SEPTIN9: variants seen among roughly 807,000 people sequenced by gnomAD.
The protein encoded by SEPTIN9 is septin 9.
In SEPTIN9, 13 loss-of-function variants were observed where a neutral mutation model predicts 56.6. The observed-to-expected ratio is 0.23, with a 90% CI of 0.15 to 0.37. SEPTIN9 has a LOEUF of 0.37. Ranked by LOEUF, SEPTIN9 falls within the 10% of genes least tolerant of loss-of-function variation. The probability of loss-of-function intolerance (pLI) is 1.00; values close to 1 mark genes in which losing one functional copy is unlikely to be tolerated. For synonymous variants in SEPTIN9, 332 were observed against 334.1 expected, an observed-to-expected ratio of 0.99 and a Z score of 0.07; for missense variants, 650 against 823.1, an observed-to-expected ratio of 0.79 and a Z score of 2.57.
At chr17:77,442,646 G>T (rs561594886) in intron 3 of SEPTIN9, among the ~76,000 whole-genome samples, 1 of 151,960 alleles carries the variant, frequency 6.6e-6, no homozygotes, top group East Asian at 1.9e-4. Flanking sequence ...GCCGAGGCAG[G>T]TGGATCACCT....
intron 2 of SEPTIN9, among the ~76,000 whole-genome samples, chr17:77,384,487 C>T (rs2035260608): frequency 6.6e-6 from 1 of 151,712 alleles, no homozygotes; most frequent in African/African-American, 2.4e-5. Context: ...CGAATGGAGG[C>T]TTTCCTCTTG....
chr17:77,451,775 C>T lies in SEPTIN9; in HGVS notation c.722-30369C>T, dbSNP rs1254607737. Among the ~76,000 whole-genome samples the T allele has an allele frequency of 1.3e-5, 2 of 152,246 alleles. No homozygotes were observed. Among genetic ancestry groups the T allele is most frequent in the South Asian group, 2.1e-4 (1 of 4,834 alleles). On this transcript the variant is annotated intron_variant, in intron 3 of 11. Coordinates refer to ENST00000427177, the MANE Select transcript of SEPTIN9 (RefSeq NM_001113491.2). The surrounding 1 kb of genome is among the most constrained non-coding windows in gnomAD (Gnocchi z 4.2). ...AGAAGAATAGGGCTTTGTGTGGTCA[C>T]AGCTATCTCTTTGTAAATATTTGGC...
intron 2 of SEPTIN9, among the ~76,000 whole-genome samples, chr17:77,325,098 C>T (rs1054148670): frequency 5.5e-4 from 84 of 152,254 alleles, no homozygotes; most frequent in African/African-American, 2.0e-3. Context: ...GAGTTACAGG[C>T]GTGAGTCACC....
intron 1 of SEPTIN9, among the ~76,000 whole-genome samples, chr17:77,301,498 C>T (rs2032056065): frequency 6.6e-6 from 1 of 152,104 alleles, no homozygotes; most frequent in African/African-American, 2.4e-5. Flanking sequence ...GATCTCGGCT[C>T]ACTGCAACCT....
At position 77,482,189 on chromosome 17, in the gene SEPTIN9, C is replaced by T; in HGVS notation, c.767C>T (p.Pro256Leu). The change falls in exon 4 of 12, where the codon CCC (proline) becomes CTC (leucine). Residue 256 changes from proline (P) to leucine (L), a missense_variant. Physicochemically the swap from Pro to Leu is moderately conservative, Grantham distance 98. Transcript: ENST00000427177. ...TGCGTTGGCGACATGGCCGACACCC[C>T]CAGAGATGCCGGGCTCAAGCAGGCG... The part of the protein sequence containing the change: ...PSCVGDMADT[P>L]RDAGLKQAPA... 6.2e-7 allele frequency: 1 copy of T among 1,608,174 alleles called. No individual in the cohort carries two copies. Among genetic ancestry groups the T allele is most frequent in the Non-Finnish European group, 8.5e-7 (1 of 1,177,942 alleles).
intron 1 of SEPTIN9, among the ~76,000 whole-genome samples, chr17:77,302,610 A>G (rs1170795453): frequency 2.0e-5 from 3 of 152,168 alleles, no homozygotes; most frequent in African/African-American, 7.2e-5. Context: ...CCTGGGAGGT[A>G]GAGGTTGCAG....
intron 2 of SEPTIN9, among the ~76,000 whole-genome samples, chr17:77,391,274 T>C (rs1236479266): frequency 6.6e-6 from 1 of 152,172 alleles, no homozygotes; most frequent in African/African-American, 2.4e-5. Flanking sequence ...TCCCGTTTCT[T>C]TTCTGTGTTC....
chr17:77,405,111 C>G lies in SEPTIN9; in HGVS notation c.721+2408C>G, dbSNP rs1291119914. 8 of 1,535,396 alleles carry G rather than the reference C, an allele frequency of 5.2e-6. No homozygotes were observed. In the South Asian group the frequency reaches 9.5e-5, roughly 18 times the overall value. The stretch of plus-strand genomic sequence containing the variant: ...TCGGTGATGGCTGGTGCTGGATGCA[C>G]AGGGACGTGGTCCTGGCTCTGGGGG... On this transcript the variant is annotated intron_variant, in intron 3 of 11. Coordinates refer to ENST00000427177, the MANE Select transcript of SEPTIN9 (RefSeq NM_001113491.2). This position sits in a 1 kb window ranked among gnomAD's most constrained non-coding sequence, Gnocchi z 5.8.
Position 77,450,504 on chromosome 17 carries a change from T to C in SEPTIN9, c.722-31640T>C. ...CAGGCGCTCTCTCCTAGTGTGGGAG[T>C]GGCCACGCCCCTGCTGGGAGTGACT... is the stretch of plus-strand genomic sequence containing the variant. On this transcript the variant is annotated intron_variant, in intron 3 of 11. Transcript: ENST00000427177. The surrounding 1 kb of genome is among the most constrained non-coding windows in gnomAD (Gnocchi z 6.0). 1.0e-6 allele frequency: 1 copy of C among 985,092 alleles called. No homozygotes were observed. The highest frequency in any genetic ancestry group is 1.2e-6 in the Non-Finnish European group (1 of 829,872). 61.0% of individuals were successfully genotyped at this position (985,092 alleles called of 1,614,324 possible). A position where few individuals can be genotyped will look rare whatever the true frequency, so the allele number is the denominator to read the frequency against.
chr17:77,488,158 T>C (rs2039874501), intron 5 of SEPTIN9, 82 bp from the exon 6 acceptor site: 1 of 1,305,894 alleles, frequency 7.7e-7, no homozygotes, highest in Admixed American at 1.7e-5. Context: ...CTACCTGGGG[T>C]TGCCCCGGGG....
At chr17:77,390,205 C>G (rs1299545928) in intron 2 of SEPTIN9, among the ~76,000 whole-genome samples, 2 of 151,670 alleles carry the variant, frequency 1.3e-5, no homozygotes, top group Non-Finnish European at 2.9e-5. Context: ...TGCTACGTGG[C>G]TGTCCCAGGC....
At chr17:77,404,985 G>T (rs998801118) in intron 3 of SEPTIN9, 12 of 1,165,662 alleles carry the variant, frequency 1.0e-5, no homozygotes, top group Middle Eastern at 2.6e-4. Flanking sequence ...ACCTTTGTTT[G>T]ACGTGCCGGA....
intron 2 of SEPTIN9, among the ~76,000 whole-genome samples, chr17:77,352,207 C>G (rs1433137843): frequency 6.7e-6 from 1 of 150,294 alleles, no homozygotes; most frequent in Non-Finnish European, 1.5e-5. Context: ...ACCATCCTGG[C>G]TAACATGGTG....
At chr17:77,315,736 C>T (rs970271309) in intron 2 of SEPTIN9, among the ~76,000 whole-genome samples, 5 of 152,252 alleles carry the variant, frequency 3.3e-5, no homozygotes, top group Non-Finnish European at 5.9e-5. Flanking sequence ...TCTTCCTTCC[C>T]GCCCTGCCAG....
chr17:77,381,618 C>T (rs74000224), intron 2 of SEPTIN9, among the ~76,000 whole-genome samples: 2,336 of 152,330 alleles, frequency 0.015, 57 homozygotes, highest in African/African-American at 0.054. Context: ...CTGCCTCTTG[C>T]CCCCCATTAA....
intron 2 of SEPTIN9, among the ~76,000 whole-genome samples, chr17:77,309,752 T>A (rs2143606893): frequency 1.3e-5 from 2 of 149,432 alleles, no homozygotes; most frequent in Non-Finnish European, 3.0e-5. Context: ...AAAAAAAAAA[T>A]GGAATTCTTA....
At position 77,487,058 on chromosome 17, in the gene SEPTIN9, G is replaced by C. The variant is rs2039822941; in HGVS notation, c.914-366G>C. 6.6e-6 allele frequency among the ~76,000 whole-genome samples: 1 copy of C among 152,196 alleles called. No homozygotes were observed. Among genetic ancestry groups the C allele is most frequent in the Non-Finnish European group, 1.5e-5 (1 of 68,024 alleles). On this transcript the variant is annotated intron_variant, in intron 4 of 11. Transcript: ENST00000427177. The surrounding 1 kb of genome is among the most constrained non-coding windows in gnomAD (Gnocchi z 4.3). Reference sequence around the variant, plus strand: ...CCTGGTGCACCCTGGGCAGCCCTGGGCTCCTCCGCCAGCCCGGCCTCTGTC... The same window carrying C: ...CCTGGTGCACCCTGGGCAGCCCTGGCCTCCTCCGCCAGCCCGGCCTCTGTC...
At chr17:77,467,809 G>A (rs1213891500) in intron 3 of SEPTIN9, among the ~76,000 whole-genome samples, 1 of 152,230 alleles carries the variant, frequency 6.6e-6, no homozygotes, top group Non-Finnish European at 1.5e-5. Context: ...TGCTGGTCTG[G>A]GAGAGACGAG....
intron 3 of SEPTIN9, among the ~76,000 whole-genome samples, chr17:77,410,470 A>G (rs2036253984): frequency 6.6e-6 from 1 of 152,184 alleles, no homozygotes; most frequent in Non-Finnish European, 1.5e-5. Context: ...GCCTTCCAAA[A>G]TGGCCCGCAG....
Sources: gnomAD v4.1 joint callset for allele counts (sites outside exome capture counted in the v4.1 genomes callset) on GRCh38, gnomAD v4.1.1 for gene constraint, Gnocchi (gnomAD v3.1) non-coding constraint, MANE v1.5 for transcripts, NCBI Gene and HGNC (gene_info 2026-07-23, HGNC 2026-07-21) for gene names.